LAMA2: variants seen among roughly 807,000 people sequenced by gnomAD.
LAMA2 encodes the protein laminin subunit alpha-2.
A neutral mutation model predicts 364.8 loss-of-function variants in LAMA2; 269 were observed. That is an observed-to-expected ratio of 0.74 (90% CI 0.67 to 0.82). The LOEUF (loss-of-function observed/expected upper bound fraction) is 0.82, where lower values mean the gene tolerates loss of function less well. Ranked by LOEUF, LAMA2 falls within the 40% of genes least tolerant of loss-of-function variation. LAMA2 has a pLI of 0.00. For synonymous variants in LAMA2, 1,379 were observed against 1,370.6 expected, an observed-to-expected ratio of 1.01 and a Z score of -0.14; for missense variants, 3,807 against 3,873.2, an observed-to-expected ratio of 0.98 and a Z score of 0.45.
At chr6:129,326,755 T>TA (rs1562462294) in intron 28 of LAMA2, among the ~76,000 whole-genome samples, 1 of 144,832 alleles carries the variant, frequency 6.9e-6, no homozygotes, top group African/African-American at 2.5e-5. Context: ...TATATATAAT[T>TA]TATATATATA....
chr6:129,059,984 G>A (rs562643638), intron 3 of LAMA2, 88 bp downstream of exon 3: 161 of 764,786 alleles, frequency 2.1e-4, no homozygotes, highest in Non-Finnish European at 3.5e-4. Context: ...TGGGTGAAAG[G>A]ATACTCTTTC....
chr6:129,440,524 G>T (rs546511439), intron 42 of LAMA2, among the ~76,000 whole-genome samples: 1 of 152,032 alleles, frequency 6.6e-6, no homozygotes, highest in South Asian at 2.1e-4. Context: ...AATTTATCTC[G>T]TGAATAAGTT....
intron 1 of LAMA2, among the ~76,000 whole-genome samples, chr6:128,909,281 G>A (rs1777719245): frequency 6.6e-6 from 1 of 152,090 alleles, no homozygotes; most frequent in African/African-American, 2.4e-5. Context: ...AAGTCTCTTT[G>A]TAGGTCACTC....
chr6:129,423,157 T>C (rs1359708098), intron 40 of LAMA2, among the ~76,000 whole-genome samples: 1 of 151,920 alleles, frequency 6.6e-6, no homozygotes, highest in Non-Finnish European at 1.5e-5. Flanking sequence ...AACTGCCTAC[T>C]AAGAGTAGGG....
chr6:129,508,415 A>T (rs973737388), intron 62 of LAMA2, among the ~76,000 whole-genome samples: 1 of 102,928 alleles, frequency 9.7e-6, no homozygotes, highest in African/African-American at 3.3e-5. Flanking sequence ...TAAATGTACA[A>T]TTATTTTTTT....
intron 27 of LAMA2, among the ~76,000 whole-genome samples, chr6:129,318,387 A>G (rs1028383237): frequency 2.6e-5 from 4 of 152,260 alleles, no homozygotes; most frequent in South Asian, 2.1e-4. Flanking sequence ...CCCTGATGCA[A>G]TCAAAGCCAT....
intron 24 of LAMA2, among the ~76,000 whole-genome samples, chr6:129,315,111 G>A (rs1197224083): frequency 6.6e-6 from 1 of 152,148 alleles, no homozygotes; most frequent in African/African-American, 2.4e-5. Context: ...GTTGATATGA[G>A]CTAACACACC....
intron 10 of LAMA2, among the ~76,000 whole-genome samples, chr6:129,181,484 C>T (rs755691706): frequency 4.6e-5 from 7 of 151,330 alleles, no homozygotes; most frequent in East Asian, 1.9e-4. Context: ...ATAAAATAGA[C>T]GCTATATTAA....
chr6:129,491,242 T>G (rs904510799), intron 56 of LAMA2, among the ~76,000 whole-genome samples: 6 of 152,208 alleles, frequency 3.9e-5, no homozygotes, highest in South Asian at 4.1e-4. Context: ...TCCTTCTGAT[T>G]CTTGGCCCAG....
intron 35 of LAMA2, among the ~76,000 whole-genome samples, chr6:129,389,363 G>T (rs1045061334): frequency 6.6e-6 from 1 of 152,164 alleles, no homozygotes; most frequent in South Asian, 2.1e-4. Context: ...AAGGCTGAGA[G>T]GTCCAAGATC....
intron 29 of LAMA2, among the ~76,000 whole-genome samples, chr6:129,330,592 G>GTTTTT (rs1406358715): frequency 8.9e-5 from 7 of 78,540 alleles, no homozygotes; most frequent in African/African-American, 3.1e-4. Context: ...TTGTTGTTTG[G>GTTTTT]TTTTTGTTTT....
chr6:129,149,928 T>C (rs1778696437), intron 7 of LAMA2, among the ~76,000 whole-genome samples: 2 of 152,176 alleles, frequency 1.3e-5, no homozygotes, highest in Non-Finnish European at 2.9e-5. Context: ...TATGCCACTG[T>C]ATAACAGGAA....
intron 1 of LAMA2, among the ~76,000 whole-genome samples, chr6:128,975,255 G>C (rs1470183709): frequency 6.6e-6 from 1 of 152,158 alleles, no homozygotes. Context: ...AAAAACAACA[G>C]AATCTTAGAA....
At chr6:129,154,734 CA>C in intron 8 of LAMA2, 51 bp downstream of exon 8, 1 of 1,425,696 alleles carries the variant, frequency 7.0e-7, no homozygotes, top group Non-Finnish European at 9.9e-7. Context: ...CTTTTTCATA[CA>C]AAAATGTTTT....
intron 12 of LAMA2, among the ~76,000 whole-genome samples, chr6:129,219,603 T>C (rs1783662485): frequency 6.8e-6 from 1 of 147,564 alleles, no homozygotes; most frequent in Non-Finnish European, 1.5e-5. Flanking sequence ...ATAGACTGGA[T>C]TAAGAAAATG....
At chr6:129,270,525 C>T (rs1410468851) in intron 16 of LAMA2, 99 bp from the exon 17 acceptor site, 1 of 1,185,418 alleles carries the variant, frequency 8.4e-7, no homozygotes, top group Non-Finnish European at 1.3e-6. Flanking sequence ...ATTATTCTTG[C>T]TGGCAGGGAG....
chr6:129,374,436 C>A (rs545857902), intron 34 of LAMA2, among the ~76,000 whole-genome samples: 7 of 152,288 alleles, frequency 4.6e-5, no homozygotes, highest in African/African-American at 1.7e-4. Flanking sequence ...GGTTGTGATG[C>A]AGTTGGTCTG....
chr6:129,316,717 T>C (rs1311341037), intron 27 of LAMA2, among the ~76,000 whole-genome samples: 1 of 152,232 alleles, frequency 6.6e-6, no homozygotes, highest in Non-Finnish European at 1.5e-5. Context: ...ACCTACATGA[T>C]GGGAATACTT....
intron 4 of LAMA2, among the ~76,000 whole-genome samples, chr6:129,120,143 G>A (rs1436572734): frequency 2.0e-5 from 3 of 152,168 alleles, no homozygotes; most frequent in African/African-American, 7.2e-5. Context: ...AGATATTCCA[G>A]CCTGAGTCCC....
Sources: allele counts gnomAD v4.1 joint callset (sites outside exome capture counted in the v4.1 genomes callset), GRCh38; gene constraint gnomAD v4.1.1; transcripts MANE v1.5; gene names NCBI Gene and HGNC (gene_info 2026-07-23, HGNC 2026-07-21).